TRPM3: variants seen among roughly 807,000 people sequenced by gnomAD.
The protein encoded by TRPM3 is long transient receptor potential channel 3.
Under a neutral mutation model 181.2 loss-of-function variants are expected in TRPM3, and 77 were observed. The observed-to-expected ratio is 0.42, with a 90% CI of 0.35 to 0.51. The LOEUF (loss-of-function observed/expected upper bound fraction) is 0.51. Among genes scored for constraint, TRPM3 ranks in the 20% least tolerant of loss-of-function variants. TRPM3 has a pLI of 0.01. For synonymous variants in TRPM3, 745 were observed against 796.4 expected (o/e 0.94, Z 1.09); for missense variants, 1,759 against 2,196.7 (o/e 0.80, Z 3.98).
At chr9:71,011,789 T>G (rs570824342) in intron 1 of TRPM3, among the ~76,000 whole-genome samples, 18 of 126,364 alleles carry the variant, frequency 1.4e-4, no homozygotes, top group South Asian at 4.8e-4. Flanking sequence ...TTTGTTTTTT[T>G]GTTTTTTTTC....
intron 1 of TRPM3, among the ~76,000 whole-genome samples, chr9:71,092,529 C>T (rs985381303): frequency 3.3e-5 from 5 of 151,766 alleles, no homozygotes; most frequent in Middle Eastern, 3.2e-3. Flanking sequence ...TAACTCAATT[C>T]GAAATTTTGG....
At chr9:71,096,087 T>C (rs376912363) in intron 1 of TRPM3, among the ~76,000 whole-genome samples, 6 of 152,216 alleles carry the variant, frequency 3.9e-5, no homozygotes, top group African/African-American at 1.4e-4. Flanking sequence ...TTAGTTTTTC[T>C]TGTTTCTGGA....
chr9:71,282,129 A>G (rs1721362538), intron 1 of TRPM3, among the ~76,000 whole-genome samples: 1 of 148,514 alleles, frequency 6.7e-6, no homozygotes, highest in South Asian at 2.1e-4. Flanking sequence ...AGAAAGAACG[A>G]AAGAAAGAAA....
chr9:70,915,301 T>C (rs1258472400), intron 1 of TRPM3, among the ~76,000 whole-genome samples: 5 of 151,888 alleles, frequency 3.3e-5, no homozygotes, highest in Admixed American at 2.0e-4. Context: ...TCAGAGTCTT[T>C]TTTTTTCTTT....
At chr9:71,400,267 G>A (rs2093311488) in intron 1 of TRPM3, among the ~76,000 whole-genome samples, 1 of 152,146 alleles carries the variant, frequency 6.6e-6, no homozygotes, top group Non-Finnish European at 1.5e-5. Flanking sequence ...GGCAGGTTGG[G>A]AAGATTTTCT....
chr9:71,323,329 A>G (rs1588484751), intron 1 of TRPM3, among the ~76,000 whole-genome samples: 1 of 152,176 alleles, frequency 6.6e-6, no homozygotes, highest in East Asian at 1.9e-4. Flanking sequence ...ACTATTCTCT[A>G]AAGTAGTCTT....
chr9:70,855,321 A>C (rs1383274168), intron 3 of TRPM3, among the ~76,000 whole-genome samples: 1 of 152,178 alleles, frequency 6.6e-6, no homozygotes, highest in Non-Finnish European at 1.5e-5. Context: ...AAATAATAAT[A>C]ATCTTCCTTT....
intron 3 of TRPM3, 90 bp downstream of exon 3, chr9:70,862,818 A>T (rs1479925653): frequency 1.5e-6 from 2 of 1,363,912 alleles, no homozygotes; most frequent in Non-Finnish European, 2.1e-6. Context: ...GATTAGGCCC[A>T]AAGACTAAAT....
intron 1 of TRPM3, among the ~76,000 whole-genome samples, chr9:71,191,811 T>C (rs1453930490): frequency 6.8e-6 from 1 of 146,494 alleles, no homozygotes; most frequent in Non-Finnish European, 1.5e-5. Context: ...AAAAATCACA[T>C]CGTCAAGGAT....
intron 19 of TRPM3, among the ~76,000 whole-genome samples, chr9:70,604,853 G>A (rs990186983): frequency 1.1e-4 from 16 of 151,962 alleles, no homozygotes; most frequent in Non-Finnish European, 5.9e-5. Context: ...TCACTTTGTT[G>A]GCCAGGCTGA....
chr9:71,296,746 G>A (rs1430104241), intron 1 of TRPM3, among the ~76,000 whole-genome samples: 1 of 152,082 alleles, frequency 6.6e-6, no homozygotes. Context: ...ATTGCTACAA[G>A]ACCCAACAGA....
chr9:70,811,780 A>G (rs1414618816), intron 6 of TRPM3, among the ~76,000 whole-genome samples: 1 of 152,174 alleles, frequency 6.6e-6, no homozygotes, highest in East Asian at 1.9e-4. Context: ...ATCCATTTAG[A>G]GGCTAATCTA....
At chr9:70,584,421 T>C (rs1000838579) in intron 22 of TRPM3, among the ~76,000 whole-genome samples, 1 of 152,210 alleles carries the variant, frequency 6.6e-6, no homozygotes, top group Non-Finnish European at 1.5e-5. Flanking sequence ...TTTCAGGTCA[T>C]CCTGATCAAA....
intron 8 of TRPM3, among the ~76,000 whole-genome samples, chr9:70,749,249 C>T (rs943455619): frequency 3.9e-5 from 6 of 152,092 alleles, no homozygotes; most frequent in Admixed American, 3.9e-4. Context: ...AGACTTAGTA[C>T]TCTAGTATGC....
intron 1 of TRPM3, among the ~76,000 whole-genome samples, chr9:71,211,357 T>C (rs995330451): frequency 1.7e-4 from 17 of 101,144 alleles, no homozygotes; most frequent in African/African-American, 2.7e-4. Context: ...TTTTATATGA[T>C]TGTGTTTTTT....
At chr9:70,968,981 G>C (rs1342461719) in intron 1 of TRPM3, among the ~76,000 whole-genome samples, 1 of 152,046 alleles carries the variant, frequency 6.6e-6, no homozygotes, top group Non-Finnish European at 1.5e-5. Context: ...AACACTAAGA[G>C]CAATGGCAAC....
chr9:70,801,688 A>T (rs2089118001), intron 6 of TRPM3, among the ~76,000 whole-genome samples: 2 of 136,094 alleles, frequency 1.5e-5, no homozygotes. Flanking sequence ...ATTTAACCTC[A>T]TATCCTACTT....
At chr9:70,668,570 C>T (rs1563917079) in intron 9 of TRPM3, among the ~76,000 whole-genome samples, 1 of 147,432 alleles carries the variant, frequency 6.8e-6, no homozygotes, top group Non-Finnish European at 1.5e-5. Context: ...GAGGCTGAGG[C>T]AGGAGAATGG....
intron 1 of TRPM3, among the ~76,000 whole-genome samples, chr9:71,141,082 A>T (rs1350609310): frequency 6.6e-6 from 1 of 152,238 alleles, no homozygotes; most frequent in Non-Finnish European, 1.5e-5. Flanking sequence ...GCTTACAAGA[A>T]TTCAAATCAA....
Sources: gnomAD v4.1 joint callset for allele counts (sites outside exome capture counted in the v4.1 genomes callset) on GRCh38, gnomAD v4.1.1 for gene constraint, MANE v1.5 for transcripts, NCBI Gene and HGNC (gene_info 2026-07-23, HGNC 2026-07-21) for gene names.